AGPS: variants seen among roughly 807,000 people sequenced by gnomAD.
AGPS encodes alkyldihydroxyacetonephosphate synthase, peroxisomal.
A neutral mutation model predicts 90.7 loss-of-function variants in AGPS; 26 were observed. The observed-to-expected ratio is 0.29, with a 90% CI of 0.21 to 0.40. The LOEUF (loss-of-function observed/expected upper bound fraction) is 0.40. Among genes scored for constraint, AGPS ranks in the 10% least tolerant of loss-of-function variants. AGPS has a pLI of 1.00. For synonymous variants in AGPS, 294 were observed against 285.3 expected (o/e 1.03, Z -0.31); for missense variants, 540 against 816.1 (o/e 0.66, Z 4.12).
intron 2 of AGPS, among the ~76,000 whole-genome samples, chr2:177,431,553 T>TGAGACAGACACTTCCA (rs1686245560): frequency 1.3e-5 from 2 of 152,144 alleles, no homozygotes; most frequent in African/African-American, 4.8e-5. Flanking sequence ...CTCAACTGCA[T>TGAGACAGACACTTCCA]GAGACAGACA....
Position 177,521,235 on chromosome 2 carries a change from T to G in AGPS, c.1698-34T>G, listed in dbSNP as rs750086934. On this transcript the variant is annotated intron_variant, in intron 17 of 19. Coordinates refer to ENST00000264167, the MANE Select transcript of AGPS (RefSeq NM_003659.4). ...ATGTTAAATCTGATTTCACTTAACT[T>G]AAAGCCCCTGTGGGGATTTTGTTTG... 4.5e-6 allele frequency: 7 copies of G among 1,551,364 alleles called. No homozygotes were observed. In the East Asian group the frequency reaches 1.6e-4, roughly 35 times the overall value.
intron 18 of AGPS, 89 bp downstream of exon 18, chr2:177,521,457 T>C: frequency 9.1e-7 from 1 of 1,095,954 alleles, no homozygotes; most frequent in Non-Finnish European, 1.4e-6. Context: ...AAGTTGAGTC[T>C]CTTTAATCAC....
chr2:177,488,643 C>T (rs1205991334), intron 11 of AGPS, among the ~76,000 whole-genome samples: 3 of 152,002 alleles, frequency 2.0e-5, no homozygotes, highest in Non-Finnish European at 4.4e-5. Flanking sequence ...TTTTTGTGCC[C>T]AAATTTTTGT....
At position 177,499,668 on chromosome 2, in the gene AGPS, G is replaced by C; in HGVS notation, c.1413G>C (p.Glu471Asp). The part of the protein sequence containing the change: ...NQLSVATLLF[E>D]GDREKVLQHE... ...TAAGTGTAGCCACATTACTGTTTGA[G>C]GGGGATCGTGAGAAGGTTCTTCAAC... The change falls in exon 14 of 20, where the codon GAG (glutamate) becomes GAC (aspartate). Residue 471 changes from glutamate to aspartate, a missense_variant. Glu to Asp is a conservative substitution (Grantham distance 45, BLOSUM62 2). This residue lies in a region of AGPS where 405 missense variants were observed against 692.1 expected (regional missense o/e 0.59). Coordinates refer to ENST00000264167, the MANE Select transcript of AGPS (RefSeq NM_003659.4). 1 of 1,612,198 alleles carries C rather than the reference G, an allele frequency of 6.2e-7. No homozygotes were observed. The highest frequency in any genetic ancestry group is 8.5e-7 in the Non-Finnish European group (1 of 1,178,854).
At chr2:177,498,085 C>T (rs1376490337) in intron 13 of AGPS, among the ~76,000 whole-genome samples, 2 of 150,686 alleles carry the variant, frequency 1.3e-5, no homozygotes, top group African/African-American at 2.4e-5. Context: ...TTTTTTTAAC[C>T]TTTGATTGTT....
chr2:177,543,519 G>C lies in AGPS; in HGVS notation c.*5324G>C, dbSNP rs2079258372. The C allele has an allele frequency of 6.6e-6, 1 of 152,190 alleles. No homozygotes were observed. The highest frequency in any genetic ancestry group is 2.1e-4 in the South Asian group (1 of 4,832). 9.4% of individuals were successfully genotyped at this position (152,190 alleles called of 1,614,324 possible). ...TAGTAATCCTTTGGGAACTACATGT[G>C]AGTAAGCACTTGTATGTAAGCCATT... is the stretch of plus-strand genomic sequence containing the variant. On this transcript the variant is annotated 3_prime_UTR_variant, in exon 20 of 20. Coordinates refer to ENST00000264167, the MANE Select transcript of AGPS (RefSeq NM_003659.4).
rs1252168755 is a variant in AGPS at position 177,438,983 on chromosome 2, T to TACACACACAC, written c.637+1941_637+1950dup. The stretch of plus-strand genomic sequence containing the variant: ...GGATGTGGCTGTCTCATTCTTGCAA[T>TACACACACAC]ACACACACACACACACACACAACTG... On this transcript the variant is annotated intron_variant, in intron 5 of 19. Coordinates refer to ENST00000264167, the MANE Select transcript of AGPS (RefSeq NM_003659.4). Among the ~76,000 whole-genome samples the TACACACACAC allele has an allele frequency of 9.4e-3, 1,416 of 150,156 alleles. 17 individuals are homozygous for TACACACACAC. Among genetic ancestry groups the TACACACACAC allele is most frequent in the African/African-American group, 0.025 (1,035 of 40,980 alleles).
intron 11 of AGPS, among the ~76,000 whole-genome samples, chr2:177,483,109 G>C (rs1359819737): frequency 1.3e-5 from 2 of 152,128 alleles, no homozygotes; most frequent in African/African-American, 2.4e-5. Context: ...TGTGGAGGAA[G>C]AATCTGTTGA....
chr2:177,475,026 G>A (rs1423053221), intron 10 of AGPS, among the ~76,000 whole-genome samples: 1 of 152,182 alleles, frequency 6.6e-6, no homozygotes, highest in Non-Finnish European at 1.5e-5. Flanking sequence ...TCAATCTTGT[G>A]AGTTTTGAGT....
chr2:177,420,683 G>A (rs1260697692), intron 2 of AGPS, among the ~76,000 whole-genome samples: 1 of 151,584 alleles, frequency 6.6e-6, no homozygotes. Context: ...TTCTCCAGTT[G>A]TCTCACAAAC....
chr2:177,434,160 T>C (rs145828613), intron 2 of AGPS, among the ~76,000 whole-genome samples, 167 bp from the exon 3 acceptor site: 6 of 152,334 alleles, frequency 3.9e-5, no homozygotes, highest in Admixed American at 3.3e-4. Context: ...CTATACTGCC[T>C]TTAGATAGCT....
intron 12 of AGPS, among the ~76,000 whole-genome samples, chr2:177,494,644 C>T (rs543832329): frequency 6.6e-6 from 1 of 152,302 alleles, no homozygotes; most frequent in South Asian, 2.1e-4. Flanking sequence ...CATCCCTCTT[C>T]CATGTTCTCA....
intron 11 of AGPS, among the ~76,000 whole-genome samples, chr2:177,484,510 A>G (rs1469984654): frequency 6.6e-6 from 1 of 151,664 alleles, no homozygotes; most frequent in African/African-American, 2.4e-5. Context: ...AGCCCAGCAG[A>G]TTTTTTTGTA....
intron 3 of AGPS, among the ~76,000 whole-genome samples, chr2:177,435,021 A>ATATATATATG (rs1386186429): frequency 1.3e-4 from 19 of 146,982 alleles, no homozygotes; most frequent in East Asian, 3.9e-4. Flanking sequence ...ATATATATAT[A>ATATATATATG]TATGTATGAA....
At chr2:177,432,016 TC>T (rs1686259023) in intron 2 of AGPS, among the ~76,000 whole-genome samples, 1 of 152,240 alleles carries the variant, frequency 6.6e-6, no homozygotes, top group South Asian at 2.1e-4. Flanking sequence ...CTCCAGCCGG[TC>T]CCTCTGTTCG....
intron 19 of AGPS, among the ~76,000 whole-genome samples, chr2:177,531,050 A>G (rs929784277): frequency 6.6e-5 from 10 of 152,158 alleles, no homozygotes; most frequent in Admixed American, 6.5e-4. Flanking sequence ...TATTATAATT[A>G]TAGGGCAGCT....
At chr2:177,485,819 A>C (rs1424039987) in intron 11 of AGPS, among the ~76,000 whole-genome samples, 4 of 152,178 alleles carry the variant, frequency 2.6e-5, no homozygotes, top group Admixed American at 2.0e-4. Flanking sequence ...CTGGAGGCTG[A>C]GGTGAGAGGA....
At chr2:177,494,070 G>A (rs1201025792) in intron 12 of AGPS, among the ~76,000 whole-genome samples, 2 of 152,138 alleles carry the variant, frequency 1.3e-5, no homozygotes, top group African/African-American at 4.8e-5. Flanking sequence ...TAGTTATATT[G>A]TGAAATTTAC....
chr2:177,472,666 G>T (rs2105681468), intron 10 of AGPS, among the ~76,000 whole-genome samples: 1 of 152,158 alleles, frequency 6.6e-6, no homozygotes, highest in East Asian at 1.9e-4. Flanking sequence ...CCTATTTTGA[G>T]AGTGTTCTTT....
Sources: gnomAD v4.1 joint callset for allele counts (sites outside exome capture counted in the v4.1 genomes callset) on GRCh38, gnomAD v4.1.1 for gene constraint, gnomAD v4.1.1 regional missense constraint, MANE v1.5 for transcripts, NCBI Gene and HGNC (gene_info 2026-07-23, HGNC 2026-07-21) for gene names.